The following TAB2 variants were observed in gnomAD, a reference collection of about 807,000 sequenced individuals.
The protein encoded by TAB2 is TGF-beta-activated kinase 1 and MAP3K7-binding protein 2.
In TAB2, 3 loss-of-function variants were observed where a neutral mutation model predicts 65.0. The observed-to-expected ratio is 0.05, with a 90% CI of 0.02 to 0.12. The LOEUF is 0.12. Ranked by LOEUF, TAB2 falls within the 10% of genes least tolerant of loss-of-function variation. The pLI, the probability that TAB2 is intolerant of heterozygous loss-of-function variation, is 1.00. For synonymous variants in TAB2, 298 were observed against 285.1 expected, an observed-to-expected ratio of 1.05 and a Z score of -0.46; for missense variants, 623 against 840.3, an observed-to-expected ratio of 0.74 and a Z score of 3.20.
chr6:149,362,099 C>T (rs1780870812), intron 1 of TAB2, among the ~76,000 whole-genome samples: 1 of 152,206 alleles, frequency 6.6e-6, no homozygotes, highest in Admixed American at 6.5e-5. Context: ...GCAAACTCTT[C>T]TAACCTCTGC....
At chr6:149,285,909 G>T (rs964769234) in intron 1 of TAB2, among the ~76,000 whole-genome samples, 2 of 152,154 alleles carry the variant, frequency 1.3e-5, no homozygotes, top group African/African-American at 4.8e-5. Flanking sequence ...GTTCCCAGGT[G>T]ATGCATCTAC....
At chr6:149,291,839 T>G (rs1778784293) in intron 1 of TAB2, among the ~76,000 whole-genome samples, 1 of 152,096 alleles carries the variant, frequency 6.6e-6, no homozygotes, top group African/African-American at 2.4e-5. Context: ...CCAGCCTGGG[T>G]GACAGAGTGT....
At chr6:149,305,732 A>G (rs1431887844) in intron 1 of TAB2, among the ~76,000 whole-genome samples, 1 of 152,234 alleles carries the variant, frequency 6.6e-6, no homozygotes, top group Non-Finnish European at 1.5e-5. Flanking sequence ...ATAGTAGCTG[A>G]AACTGGAGTC....
At chr6:149,397,842 C>G in intron 4 of TAB2, 78 bp downstream of exon 4, 2 of 1,588,766 alleles carry the variant, frequency 1.3e-6, no homozygotes, top group South Asian at 2.2e-5. Flanking sequence ...ATATCTCTAT[C>G]TAGTTTTCTT....
chr6:149,379,595 G>C, intron 3 of TAB2, 77 bp downstream of exon 3: 1 of 1,373,172 alleles, frequency 7.3e-7, no homozygotes, highest in Non-Finnish European at 1.0e-6. Flanking sequence ...AACAGAAATG[G>C]ATGTTAGCAT....
intron 1 of TAB2, among the ~76,000 whole-genome samples, chr6:149,352,178 TCCA>T (rs1780513892): frequency 1.3e-5 from 2 of 152,176 alleles, no homozygotes; most frequent in South Asian, 2.1e-4. Context: ...TTAGCTTTGC[TCCA>T]CCATTTACTT....
intron 1 of TAB2, among the ~76,000 whole-genome samples, chr6:149,323,490 TA>T (rs905754972): frequency 8.5e-5 from 13 of 152,148 alleles, no homozygotes; most frequent in Non-Finnish European, 4.4e-5. Flanking sequence ...TTTTATGGAT[TA>T]AATAGCTTGG....
At chr6:149,403,321 C>CAT (rs1252306211) in intron 6 of TAB2, among the ~76,000 whole-genome samples, 1 of 65,692 alleles carries the variant, frequency 1.5e-5, no homozygotes, top group Admixed American at 1.8e-4. Flanking sequence ...TATACACACA[C>CAT]ATATATATAC....
intron 1 of TAB2, among the ~76,000 whole-genome samples, chr6:149,249,543 T>C (rs1777816144): frequency 1.3e-5 from 2 of 151,942 alleles, no homozygotes; most frequent in East Asian, 3.9e-4. Context: ...TCTCTTTCTG[T>C]CTCTGTCTCT....
chr6:149,379,871 C>T (rs1200347373), intron 3 of TAB2: 9 of 451,214 alleles, frequency 2.0e-5, no homozygotes, highest in Admixed American at 9.6e-5. Flanking sequence ...CTAGAAATAA[C>T]GTTTTAATAA....
intron 1 of TAB2, among the ~76,000 whole-genome samples, chr6:149,307,682 A>G (rs1226123746): frequency 6.6e-6 from 1 of 152,246 alleles, no homozygotes; most frequent in Non-Finnish European, 1.5e-5. Flanking sequence ...CGAATAATAA[A>G]AATTTCAGTT....
intron 1 of TAB2, among the ~76,000 whole-genome samples, chr6:149,355,099 TA>T (rs1780613571): frequency 1.3e-5 from 2 of 152,206 alleles, no homozygotes; most frequent in African/African-American, 4.8e-5. Flanking sequence ...TAAAGATCAT[TA>T]TTTTTTAATA....
At chr6:149,375,088 G>A (rs1197691798) in intron 2 of TAB2, among the ~76,000 whole-genome samples, 2 of 152,080 alleles carry the variant, frequency 1.3e-5, no homozygotes, top group African/African-American at 2.4e-5. Context: ...TGGCATTGTG[G>A]TTATGTTTTT....
At chr6:149,327,871 T>C (rs778492529) in intron 1 of TAB2, among the ~76,000 whole-genome samples, 3 of 152,236 alleles carry the variant, frequency 2.0e-5, no homozygotes, top group Non-Finnish European at 4.4e-5. Flanking sequence ...TGACACGTGT[T>C]GAATGCCCTT....
rs1583128866 is a variant in TAB2 at position 149,366,954 on chromosome 6, A to AT, written c.-89-2955_-89-2954insT. 8.0e-5 allele frequency among the ~76,000 whole-genome samples: 7 copies of AT among 87,916 alleles called. No homozygotes were observed. In the East Asian group the frequency reaches 9.5e-4, roughly 12 times the overall value. The allele number at this position is 87,916 out of a possible 152,430, so 57.7% of individuals were successfully genotyped here. A position where few individuals can be genotyped will look rare whatever the true frequency, so the allele number is the denominator to read the frequency against. ...TTGCCTCTCCCTCAAATTGTGTATA[A>AT]ATTTTTTTTTTTCAAATCTAGATCA... is the stretch of plus-strand genomic sequence containing the variant. On this transcript the variant is annotated intron_variant, in intron 1 of 6. Coordinates refer to ENST00000637181, the MANE Select transcript of TAB2 (RefSeq NM_001292034.3).
intron 2 of TAB2, among the ~76,000 whole-genome samples, chr6:149,376,632 C>T (rs975468645): frequency 2.0e-5 from 3 of 152,160 alleles, no homozygotes; most frequent in African/African-American, 4.8e-5. Context: ...GTCCTTTCTT[C>T]GGTAGCCTAC....
At chr6:149,275,209 T>C (rs1778436351) in intron 1 of TAB2, among the ~76,000 whole-genome samples, 2 of 116,048 alleles carry the variant, frequency 1.7e-5, no homozygotes, top group Non-Finnish European at 3.4e-5. Flanking sequence ...TTGAACTCCC[T>C]TGGGCGGGGG....
intron 1 of TAB2, among the ~76,000 whole-genome samples, chr6:149,364,823 T>C (rs1444803106): frequency 2.0e-5 from 3 of 151,548 alleles, no homozygotes; most frequent in Non-Finnish European, 4.4e-5. Flanking sequence ...AGCTTTTGTA[T>C]ACTCTTATAG....
intron 3 of TAB2, among the ~76,000 whole-genome samples, chr6:149,390,451 G>T (rs551761778): frequency 1.3e-5 from 2 of 152,128 alleles, no homozygotes; most frequent in South Asian, 4.1e-4. Flanking sequence ...AAATTCTCGT[G>T]TTTTTGTTTT....
Sources: gnomAD v4.1 joint callset for allele counts (sites outside exome capture counted in the v4.1 genomes callset) on GRCh38, gnomAD v4.1.1 for gene constraint, MANE v1.5 for transcripts, NCBI Gene and HGNC (gene_info 2026-07-23, HGNC 2026-07-21) for gene names.